Variants in DIPK2B observed in about 807,000 individuals in gnomAD.
DIPK2B encodes divergent protein kinase domain 2B.
Under a neutral mutation model 22.2 loss-of-function variants are expected in DIPK2B, and 15 were observed. That is an observed-to-expected ratio of 0.68 (90% confidence interval 0.45 to 1.04). The LOEUF is 1.04. Ranked by LOEUF, DIPK2B falls within the 50% of genes least tolerant of loss-of-function variation. The probability of loss-of-function intolerance (pLI) is 0.00; values close to 1 mark genes in which losing one functional copy is unlikely to be tolerated. For synonymous variants in DIPK2B, 163 were observed against 153.2 expected (o/e 1.06, Z -0.47); for missense variants, 345 against 348.3 (o/e 0.99, Z 0.08).
chrX:45,162,573 A>G, intron 2 of DIPK2B: 1 of 754,370 alleles, frequency 1.3e-6, no homozygotes, highest in Non-Finnish European at 1.6e-6. Context: ...GAATTGGGAA[A>G]CCAACCATTT....
chrX:45,164,368 T>C, intron 2 of DIPK2B: 1 of 750,354 alleles, frequency 1.3e-6, no homozygotes, highest in Non-Finnish European at 1.9e-6. Context: ...TCCAGTGATC[T>C]AGTAAAATAC....
At chrX:45,189,463 A>G (rs1278497451) in intron 2 of DIPK2B, among the ~76,000 whole-genome samples, 2 of 110,989 alleles carry the variant, frequency 1.8e-5, no homozygotes, top group Non-Finnish European at 3.8e-5. Flanking sequence ...AAAATACAAA[A>G]ATTACCCGGG....
chrX:45,161,512 G>A (rs377019438), intron 2 of DIPK2B, among the ~76,000 whole-genome samples: 195 of 112,352 alleles, frequency 1.7e-3, no homozygotes, highest in African/African-American at 6.0e-3. Context: ...ACTGTACTGC[G>A]GCCTGGGCAA....
intron 2 of DIPK2B, among the ~76,000 whole-genome samples, chrX:45,175,540 G>C (rs2047112341): frequency 9.4e-6 from 1 of 106,868 alleles, no homozygotes; most frequent in African/African-American, 3.4e-5. Context: ...TGAGTTATAT[G>C]TGATTTTTCC....
At chrX:45,160,147 C>G (rs1426864205) in intron 2 of DIPK2B, among the ~76,000 whole-genome samples, 1 of 110,054 alleles carries the variant, frequency 9.1e-6, no homozygotes, top group Non-Finnish European at 1.9e-5. Context: ...CCTGTACAAC[C>G]TGAAGAACTG....
Position 45,194,635 on chromosome X carries a change from G to T in DIPK2B, c.234-2620C>A, listed in dbSNP as rs141598393. Among the ~76,000 whole-genome samples the T allele has an allele frequency of 5.3e-3, 593 of 112,127 alleles. 1 individual carries two copies. The highest frequency in any genetic ancestry group is 0.018 in the African/African-American group (557 of 30,887). ...TTTTATGAATTAGCTCATAGAAACA[G>T]ATTGGTAACATTATTAGGGGTTATA... On this transcript the variant is annotated intron_variant, in intron 1 of 4. Transcript: ENST00000398000.
chrX:45,189,796 C>T (rs1287140039), intron 2 of DIPK2B, among the ~76,000 whole-genome samples: 3 of 111,466 alleles, frequency 2.7e-5, no homozygotes, highest in Admixed American at 1.9e-4. Flanking sequence ...TGACCTTGAG[C>T]TTAATGGCTA....
chrX:45,154,199 C>T lies in DIPK2B; in HGVS notation c.673-1G>A, dbSNP rs1472276202. ...GCCATCCCTCAGCCCCAGGGAAGATCTGCCAAGCCAGAAGGAGGAGGATTA... is the reference window on the plus strand; with the variant it reads ...GCCATCCCTCAGCCCCAGGGAAGATTTGCCAAGCCAGAAGGAGGAGGATTA... On this transcript the variant is annotated splice_acceptor_variant, in intron 3 of 4. Transcript: ENST00000398000. LOFTEE classifies it high-confidence loss of function. 2.5e-6 allele frequency: 3 copies of T among 1,192,671 alleles called. No homozygotes were observed. The highest frequency in any genetic ancestry group is 3.4e-6 in the Non-Finnish European group (3 of 886,591).
chrX:45,157,967 A>T, intron 2 of DIPK2B, 79 bp from the exon 3 acceptor site: 14 of 134,907 alleles, frequency 1.0e-4, no homozygotes, highest in East Asian at 5.5e-4. Context: ...AGGAGGGGGA[A>T]TGGGCAGATC....
chrX:45,182,436 T>G (rs1196777468), intron 2 of DIPK2B, among the ~76,000 whole-genome samples: 1 of 112,605 alleles, frequency 8.9e-6, no homozygotes, highest in Non-Finnish European at 1.9e-5. Flanking sequence ...GAACTCTTTC[T>G]CCCATTGCTA....
intron 2 of DIPK2B, among the ~76,000 whole-genome samples, chrX:45,170,053 G>A (rs1374249094): frequency 1.8e-5 from 2 of 109,656 alleles, no homozygotes; most frequent in Admixed American, 9.7e-5. Flanking sequence ...AAACCAGCCT[G>A]GTCAACATGG....
At chrX:45,197,219 C>G (rs2047243822) in intron 1 of DIPK2B, among the ~76,000 whole-genome samples, 1 of 105,476 alleles carries the variant, frequency 9.5e-6, no homozygotes, top group Non-Finnish European at 2.0e-5. Context: ...GAGAGTCTTT[C>G]TCCTAAGGTG....
At chrX:45,162,779 A>G in intron 2 of DIPK2B, 2 of 754,105 alleles carry the variant, frequency 2.7e-6, no homozygotes, top group Non-Finnish European at 3.1e-6. Context: ...TGGTTTCCTC[A>G]TCCTTGCATT....
chrX:45,200,604 C>G lies in DIPK2B; in HGVS notation c.223G>C (p.Glu75Gln). 1 of 1,209,294 alleles carries G rather than the reference C, an allele frequency of 8.3e-7. No individual in the cohort carries two copies. The highest frequency in any genetic ancestry group is 1.1e-6 in the Non-Finnish European group (1 of 893,064). ...GATTGATATTCTGACCTTATTTCTT[C>G]TTTAAAGAACTTCTTGCAAATAGAT... ...GTSICKKFFK[E>Q]EIRSDNWLAS... Residue 75 changes from glutamate to glutamine, a missense_variant, in exon 1 of 5, where the codon GAA becomes CAA. Transcript: ENST00000398000.
At chrX:45,168,996 C>A (rs1019675073) in intron 2 of DIPK2B, among the ~76,000 whole-genome samples, 1 of 111,935 alleles carries the variant, frequency 8.9e-6, no homozygotes, top group Non-Finnish European at 1.9e-5. Flanking sequence ...TTTAGCTATG[C>A]CTCAGTTTCC....
Position 45,200,627 on chromosome X carries a change from G to A in DIPK2B, c.200C>T (p.Ser67Phe). Residue 67 changes from serine to phenylalanine, a missense_variant, in exon 1 of 5, where the codon TCT becomes TTT. Ser to Phe is a radical substitution (Grantham distance 155). Transcript: ENST00000398000. ...LDKCNACIGT[S>F]ICKKFFKEEI... The stretch of plus-strand genomic sequence containing the variant: ...TTCTTTAAAGAACTTCTTGCAAATA[G>A]ATGTCCCGATGCAGGCATTGCATTT... 8.3e-7 allele frequency: 1 copy of A among 1,211,906 alleles called. No individual in the cohort carries two copies. The highest frequency in any genetic ancestry group is 1.7e-5 in the African/African-American group (1 of 57,919).
Position 45,195,034 on chromosome X carries a change from T to C in DIPK2B, c.234-3019A>G, listed in dbSNP as rs759207978. On this transcript the variant is annotated intron_variant, in intron 1 of 4. Coordinates refer to ENST00000398000, the MANE Select transcript of DIPK2B (RefSeq NM_176819.4). ...GCTTGAGGCATTCCATAAGGACTAA[T>C]TGAGACAAACAAGATTGCAGGATGC... 4.4e-5 allele frequency among the ~76,000 whole-genome samples: 5 copies of C among 112,788 alleles called. No homozygotes were observed. In the East Asian group the frequency reaches 1.4e-3, roughly 31 times the overall value.
chrX:45,191,391 G>A (rs1389133171), intron 2 of DIPK2B: 5 of 194,687 alleles, frequency 2.6e-5, no homozygotes, highest in Admixed American at 1.4e-4. Context: ...CTAGCCTGGC[G>A]GCTGGCAAAG....
intron 2 of DIPK2B, among the ~76,000 whole-genome samples, chrX:45,173,496 C>CTTCT (rs1178047438): frequency 1.2e-4 from 12 of 96,973 alleles, no homozygotes; most frequent in South Asian, 9.6e-4. Context: ...TCTTTCTTTC[C>CTTCT]TTCTTTCTTT....
Sources: allele counts gnomAD v4.1 joint callset (sites outside exome capture counted in the v4.1 genomes callset), GRCh38; gene constraint gnomAD v4.1.1; transcripts MANE v1.5; gene names NCBI Gene and HGNC (gene_info 2026-07-23, HGNC 2026-07-21).